The following PDPK1 variants were observed in gnomAD, a reference collection of about 807,000 sequenced individuals.
PDPK1 encodes 3-phosphoinositide dependent protein kinase 1.
Under a neutral mutation model 39.8 loss-of-function variants are expected in PDPK1, and 7 were observed. That is an observed-to-expected ratio of 0.18 (90% CI 0.10 to 0.33). The LOEUF (loss-of-function observed/expected upper bound fraction) is 0.33, where lower values mean the gene tolerates loss of function less well. Among genes scored for constraint, PDPK1 ranks in the 10% least tolerant of loss-of-function variants. The probability of loss-of-function intolerance (pLI) is 1.00; values close to 1 mark genes in which losing one functional copy is unlikely to be tolerated. For synonymous variants in PDPK1, 118 were observed against 159.1 expected, an observed-to-expected ratio of 0.74 and a Z score of 1.95; for missense variants, 182 against 384.7, an observed-to-expected ratio of 0.47 and a Z score of 4.41.
At position 2,553,160 on chromosome 16, in the gene PDPK1, C is replaced by CT. The variant is rs1188885715; in HGVS notation, c.25-4533dup. Among the ~76,000 whole-genome samples, 46 of 130,928 alleles carry CT rather than the reference C, an allele frequency of 3.5e-4. 1 individual carries two copies. Among genetic ancestry groups the CT allele is most frequent in the Middle Eastern group, 3.8e-3 (1 of 264 alleles). 85.9% of individuals were successfully genotyped at this position (130,928 alleles called of 152,430 possible). On this transcript the variant is annotated intron_variant, in intron 1 of 13. Coordinates refer to ENST00000342085, the MANE Select transcript of PDPK1 (RefSeq NM_002613.5). The stretch of plus-strand genomic sequence containing the variant: ...TTTGGTGGACTTCTCTTGTGAGGAG[C>CT]TTTTTTTTTTAAAAAAAAAAAAGAA...
rs926575905 is a variant in PDPK1, at chr16:2,593,516, G to A, written c.1344-2277G>A. ...ACACAGGTTGCAGGGATGGGCTGCT[G>A]TGTTCTTCTGGTTTTTCTCTCCTTC... On this transcript the variant is annotated intron_variant, in intron 11 of 13. Coordinates refer to ENST00000342085, the MANE Select transcript of PDPK1 (RefSeq NM_002613.5). This position sits in a 1 kb window ranked among gnomAD's most constrained non-coding sequence, Gnocchi z 4.2. 5.3e-6 allele frequency: 1 copy of A among 187,366 alleles called. No individual in the cohort carries two copies. Among genetic ancestry groups the A allele is most frequent in the Non-Finnish European group, 1.1e-5 (1 of 90,030 alleles). The allele number at this position is 187,366 out of a possible 1,614,324, so 11.6% of individuals were successfully genotyped here.
At chr16:2,587,287 G>T (rs1253589461) in intron 11 of PDPK1, among the ~76,000 whole-genome samples, 2 of 152,190 alleles carry the variant, frequency 1.3e-5, no homozygotes, top group African/African-American at 4.8e-5. Context: ...GGCAGTGTGT[G>T]ATGGAGGGCG....
chr16:2,541,650 C>T (rs1478852410), intron 1 of PDPK1, among the ~76,000 whole-genome samples: 3 of 152,152 alleles, frequency 2.0e-5, no homozygotes, highest in Non-Finnish European at 2.9e-5. Flanking sequence ...CTGGGCTGCC[C>T]AGCACAGTTG....
In PDPK1 at chr16:2,598,245, C is replaced by T. The variant is rs1012074079; in HGVS notation, c.*478C>T. 2 of 229,016 alleles carry T rather than the reference C, an allele frequency of 8.7e-6. No individual in the cohort carries two copies. Among genetic ancestry groups the T allele is most frequent in the African/African-American group, 5.0e-5 (2 of 40,374 alleles). 14.2% of individuals were successfully genotyped at this position (229,016 alleles called of 1,614,324 possible). A position where few individuals can be genotyped will look rare whatever the true frequency, so the allele number is the denominator to read the frequency against. On this transcript the variant is annotated 3_prime_UTR_variant, in exon 14 of 14. Coordinates refer to ENST00000342085, the MANE Select transcript of PDPK1 (RefSeq NM_002613.5). ...GGAACTCTTCACCAGGGAGGGAGCC[C>T]TGCGGGGGCCGCAGCTTTGTGGAGG... is the stretch of plus-strand genomic sequence containing the variant.
chr16:2,542,454 CAGCCTG>C (rs1364173119), intron 1 of PDPK1, among the ~76,000 whole-genome samples: 3 of 152,242 alleles, frequency 2.0e-5, no homozygotes, highest in Non-Finnish European at 4.4e-5. Flanking sequence ...CCGCCGCACC[CAGCCTG>C]GTTTCTGTTT....
At chr16:2,586,527 A>T (rs892583180) in intron 10 of PDPK1, 149 bp from the exon 11 acceptor site, 2 of 642,878 alleles carry the variant, frequency 3.1e-6, no homozygotes, top group African/African-American at 3.6e-5. Context: ...TGTCCCATGG[A>T]GGAGAATCAG....
chr16:2,596,982 C>A, intron 12 of PDPK1, 141 bp from the exon 13 acceptor site: 1 of 495,734 alleles, frequency 2.0e-6, no homozygotes. Flanking sequence ...GCAGGAAGTC[C>A]CCTGCCCCTG....
chr16:2,552,472 G>C (rs1290381253), intron 1 of PDPK1, among the ~76,000 whole-genome samples: 4 of 151,742 alleles, frequency 2.6e-5, no homozygotes, highest in Non-Finnish European at 5.9e-5. Context: ...TGTGGTTGGG[G>C]GCTCGGGCTG....
At chr16:2,554,144 C>CATTT (rs1364828488) in intron 1 of PDPK1, 3 of 130,146 alleles carry the variant, frequency 2.3e-5, no homozygotes, top group East Asian at 2.1e-4. Context: ...ATTGCAACTA[C>CATTT]ATTTATTTAT....
chr16:2,544,386 TA>T (rs1411999278), intron 1 of PDPK1, among the ~76,000 whole-genome samples: 1 of 152,178 alleles, frequency 6.6e-6, no homozygotes, highest in African/African-American at 2.4e-5. Context: ...CAGTGGTGAA[TA>T]AGGTAGGTCT....
intron 1 of PDPK1, chr16:2,539,049 T>C (rs2066193193): frequency 4.6e-6 from 1 of 218,548 alleles, no homozygotes; most frequent in Non-Finnish European, 9.4e-6. Flanking sequence ...CCAAGAAATT[T>C]AATTGATCCC....
chr16:2,598,377 CT>C lies in PDPK1; in HGVS notation c.*613del, dbSNP rs2067146092. The C allele has an allele frequency of 4.3e-6, 1 of 234,128 alleles. No homozygotes were observed. The highest frequency in any genetic ancestry group is 2.2e-5 in the African/African-American group (1 of 45,354). 14.5% of individuals were successfully genotyped at this position (234,128 alleles called of 1,614,324 possible). A position where few individuals can be genotyped will look rare whatever the true frequency, so the allele number is the denominator to read the frequency against. The stretch of plus-strand genomic sequence containing the variant: ...ATCCCTGTGGTGGCTCTGGTGGCAG[CT>C]TTCTGTGGCCCCTGCTGTGTTGGCA... On this transcript the variant is annotated 3_prime_UTR_variant, in exon 14 of 14. Coordinates refer to ENST00000342085, the MANE Select transcript of PDPK1 (RefSeq NM_002613.5).
At chr16:2,556,353 G>A (rs1312895749) in intron 1 of PDPK1, among the ~76,000 whole-genome samples, 1 of 147,024 alleles carries the variant, frequency 6.8e-6, no homozygotes, top group Non-Finnish European at 1.5e-5. Flanking sequence ...TCTGCGCCCG[G>A]CCTATTTTTT....
chr16:2,603,018 T>C lies in PDPK1; in HGVS notation c.*5251T>C, dbSNP rs2067250235. 1 of 229,322 alleles carries C rather than the reference T, an allele frequency of 4.4e-6. No homozygotes were observed. Among genetic ancestry groups the C allele is most frequent in the Non-Finnish European group, 8.7e-6 (1 of 115,508 alleles). 14.2% of individuals were successfully genotyped at this position (229,322 alleles called of 1,614,324 possible). A position where few individuals can be genotyped will look rare whatever the true frequency, so the allele number is the denominator to read the frequency against. Reference sequence around the variant, plus strand: ...GTAAACTATATTTTACAACTTTTTTTCTGGCTTTATTATATAAATTTTCTA... The same window carrying C: ...GTAAACTATATTTTACAACTTTTTTCCTGGCTTTATTATATAAATTTTCTA... On this transcript the variant is annotated 3_prime_UTR_variant, in exon 14 of 14. Transcript: ENST00000342085.
intron 11 of PDPK1, among the ~76,000 whole-genome samples, chr16:2,587,426 G>T (rs1000873353): frequency 6.6e-6 from 1 of 152,178 alleles, no homozygotes; most frequent in Non-Finnish European, 1.5e-5. Flanking sequence ...TATTCCTATT[G>T]AGGCAGATGT....
intron 12 of PDPK1, 124 bp from the exon 13 acceptor site, chr16:2,596,999 T>G: frequency 1.7e-6 from 1 of 602,988 alleles, no homozygotes; most frequent in Non-Finnish European, 2.8e-6. Flanking sequence ...CCTGGGTGAG[T>G]GCACAGGTGG....
At chr16:2,595,174 C>G (rs2067075843) in intron 11 of PDPK1, among the ~76,000 whole-genome samples, 1 of 152,156 alleles carries the variant, frequency 6.6e-6, no homozygotes, top group Admixed American at 6.5e-5. Context: ...CGTGTGCTTG[C>G]TAATAATGTA....
At chr16:2,558,514 C>G (rs1402310455) in intron 2 of PDPK1, among the ~76,000 whole-genome samples, 2 of 150,498 alleles carry the variant, frequency 1.3e-5, no homozygotes, top group Non-Finnish European at 1.5e-5. Context: ...GCAGTACTGT[C>G]AAGTCACACT....
At chr16:2,546,876 G>A (rs1014026088) in intron 1 of PDPK1, among the ~76,000 whole-genome samples, 2 of 151,654 alleles carry the variant, frequency 1.3e-5, no homozygotes, top group African/African-American at 2.4e-5. Flanking sequence ...GGGGAGCCCA[G>A]CAGTGAGGAT....
Sources: allele counts gnomAD v4.1 joint callset (sites outside exome capture counted in the v4.1 genomes callset), GRCh38; gene constraint gnomAD v4.1.1; non-coding constraint Gnocchi (gnomAD v3.1); transcripts MANE v1.5; gene names NCBI Gene and HGNC (gene_info 2026-07-23, HGNC 2026-07-21).